Variants in HMGA2 observed in about 807,000 individuals in gnomAD.
HMGA2 encodes the protein high mobility group AT-hook 2, also known as high mobility group protein HMGI-C.
Under a neutral mutation model 19.1 loss-of-function variants are expected in HMGA2, and 8 were observed. That is an observed-to-expected ratio of 0.42 (90% CI 0.25 to 0.76). The LOEUF (loss-of-function observed/expected upper bound fraction) is 0.76, where lower values mean the gene tolerates loss of function less well. Among genes scored for constraint, HMGA2 ranks in the 30% least tolerant of loss-of-function variants. The pLI, the probability that HMGA2 is intolerant of heterozygous loss-of-function variation, is 0.28. For missense variants in HMGA2, 109 were observed against 136.3 expected (o/e 0.80, Z 1.00); for synonymous variants, 60 against 48.8 (o/e 1.23, Z -0.96).
At chr12:65,863,894 A>AC (rs1467789477) in intron 3 of HMGA2, among the ~76,000 whole-genome samples, 17 of 152,242 alleles carry the variant, frequency 1.1e-4, no homozygotes, top group Non-Finnish European at 2.2e-4. Context: ...TAGTCCAGCA[A>AC]AAATGCTCTG....
intron 3 of HMGA2, among the ~76,000 whole-genome samples, chr12:65,883,605 A>G (rs1402043315): frequency 1.3e-5 from 2 of 152,186 alleles, no homozygotes; most frequent in Admixed American, 1.3e-4. Context: ...CCTTAATCCT[A>G]ACTTGAATTT....
intron 3 of HMGA2, among the ~76,000 whole-genome samples, chr12:65,944,931 G>A (rs184275868): frequency 1.2e-4 from 18 of 152,204 alleles, no homozygotes; most frequent in Non-Finnish European, 1.9e-4. Flanking sequence ...CTACTCACAG[G>A]TGCGATCATA....
chr12:65,930,366 T>A (rs1481291332), intron 3 of HMGA2, among the ~76,000 whole-genome samples: 4 of 152,120 alleles, frequency 2.6e-5, no homozygotes, highest in African/African-American at 9.7e-5. Context: ...GATTGAAAAA[T>A]GTGCCCAGGG....
At chr12:65,888,457 C>G (rs1004268019) in intron 3 of HMGA2, among the ~76,000 whole-genome samples, 3 of 149,744 alleles carry the variant, frequency 2.0e-5, no homozygotes, top group African/African-American at 4.9e-5. Context: ...TCAGTCCCCC[C>G]CAAAAAAAGA....
intron 4 of HMGA2, 79 bp downstream of exon 4, chr12:65,951,494 A>G (rs1196420244): frequency 1.1e-6 from 1 of 895,332 alleles, no homozygotes; most frequent in South Asian, 1.5e-5. Context: ...CCCAAACTAA[A>G]CCTTATTTCG....
chr12:65,838,190 A>G (rs1870815159), intron 2 of HMGA2, among the ~76,000 whole-genome samples: 1 of 152,138 alleles, frequency 6.6e-6, no homozygotes, highest in African/African-American at 2.4e-5. Flanking sequence ...ATGTGGGGAT[A>G]ATGTTTTTAA....
chr12:65,839,806 T>C (rs905814036), intron 3 of HMGA2, among the ~76,000 whole-genome samples: 2 of 152,194 alleles, frequency 1.3e-5, no homozygotes, highest in Non-Finnish European at 1.5e-5. Flanking sequence ...GTTAGGGAAC[T>C]TGCTACCTCT....
intron 3 of HMGA2, among the ~76,000 whole-genome samples, chr12:65,897,787 C>T (rs1203104944): frequency 6.6e-6 from 1 of 152,124 alleles, no homozygotes; most frequent in Non-Finnish European, 1.5e-5. Flanking sequence ...TGGTAAAACC[C>T]TGTCTCTACT....
rs57361254 is a variant in HMGA2, at chr12:65,935,649, AC to A, written c.250-15733del. Among the ~76,000 whole-genome samples, 581 of 152,340 alleles carry A rather than the reference AC, an allele frequency of 3.8e-3. 4 individuals are homozygous for A. The highest frequency in any genetic ancestry group is 0.013 in the African/African-American group (551 of 41,568). On this transcript the variant is annotated intron_variant, in intron 3 of 4. Coordinates refer to ENST00000403681, the MANE Select transcript of HMGA2 (RefSeq NM_003483.6). The stretch of plus-strand genomic sequence containing the variant: ...GTTTGTAAGCAACACATAACTTTGA[AC>A]ATGGAAAAATTAAGTTTGCTTTTAA...
Position 65,963,334 on chromosome 12 carries a change from C to A in HMGA2, c.*42C>A. ...ATTTCTACCTCAGCAGCAGTTGGAT[C>A]TTTTGAAGGGAGAAGACACTGCAGT... On this transcript the variant is annotated 3_prime_UTR_variant, in exon 5 of 5. Transcript: ENST00000403681. 1 of 1,563,280 alleles carries A rather than the reference C, an allele frequency of 6.4e-7. No individual in the cohort carries two copies. Among genetic ancestry groups the A allele is most frequent in the Non-Finnish European group, 8.7e-7 (1 of 1,143,846 alleles).
intron 3 of HMGA2, among the ~76,000 whole-genome samples, chr12:65,852,821 T>C (rs1424253241): frequency 1.3e-5 from 2 of 152,136 alleles, no homozygotes; most frequent in Non-Finnish European, 2.9e-5. Context: ...ACATGATCTA[T>C]GTGGTAATAA....
intron 2 of HMGA2, among the ~76,000 whole-genome samples, chr12:65,833,602 T>C (rs1012264992): frequency 6.6e-6 from 1 of 152,174 alleles, no homozygotes; most frequent in African/African-American, 2.4e-5. Context: ...CATGTGTTTA[T>C]AGGAAACTTG....
At chr12:65,907,201 C>T (rs569095772) in intron 3 of HMGA2, among the ~76,000 whole-genome samples, 5 of 152,080 alleles carry the variant, frequency 3.3e-5, no homozygotes, top group Admixed American at 3.3e-4. Flanking sequence ...TCGAGACCAG[C>T]CTGGCCAACA....
Position 65,963,856 on chromosome 12 carries a change from T to C in HMGA2, c.*564T>C, listed in dbSNP as rs1489877117. ...CTTTTTCGTATAATCTTGTAGACAC[T>C]TACTTGATGATTTTTAACTTTTTAT... is the stretch of plus-strand genomic sequence containing the variant. On this transcript the variant is annotated 3_prime_UTR_variant, in exon 5 of 5. Coordinates refer to ENST00000403681, the MANE Select transcript of HMGA2 (RefSeq NM_003483.6). The C allele has an allele frequency of 4.6e-6, 1 of 217,684 alleles. No individual in the cohort carries two copies. The highest frequency in any genetic ancestry group is 2.2e-5 in the African/African-American group (1 of 44,456). 13.5% of individuals were successfully genotyped at this position (217,684 alleles called of 1,614,324 possible).
chr12:65,834,568 C>T lies in HMGA2; in HGVS notation c.199-3951C>T, dbSNP rs768938546. Among the ~76,000 whole-genome samples the T allele has an allele frequency of 7.3e-4, 106 of 145,716 alleles. 1 individual carries two copies. In the Middle Eastern group the frequency reaches 0.028, roughly 38 times the overall value. On this transcript the variant is annotated intron_variant, in intron 2 of 4. Coordinates refer to ENST00000403681, the MANE Select transcript of HMGA2 (RefSeq NM_003483.6). ...TTTCCTTCCTTCCTTCTTTCCTTCC[C>T]TCCCTCACTCCCTCCCTTCCTCCCT...
intron 4 of HMGA2, chr12:65,953,843 T>A (rs758838331): frequency 6.6e-6 from 1 of 152,218 alleles, no homozygotes; most frequent in Non-Finnish European, 1.5e-5. Context: ...TACACTACAT[T>A]CAAAAGAATC....
At chr12:65,869,253 T>C (rs191111981) in intron 3 of HMGA2, among the ~76,000 whole-genome samples, 16 of 152,158 alleles carry the variant, frequency 1.1e-4, no homozygotes, top group Admixed American at 8.5e-4. Flanking sequence ...CAAAGCAAGA[T>C]TAGAGAAGGA....
At chr12:65,835,203 C>T (rs971206452) in intron 2 of HMGA2, among the ~76,000 whole-genome samples, 1 of 152,140 alleles carries the variant, frequency 6.6e-6, no homozygotes, top group African/African-American at 2.4e-5. Context: ...CAAAACAAGC[C>T]TCCTGAATGT....
intron 3 of HMGA2, among the ~76,000 whole-genome samples, chr12:65,929,919 A>G (rs1010760133): frequency 1.3e-5 from 2 of 152,200 alleles, no homozygotes; most frequent in African/African-American, 4.8e-5. Flanking sequence ...AGTCACACAT[A>G]TTAAGTATGG....
Sources: allele counts gnomAD v4.1 joint callset (sites outside exome capture counted in the v4.1 genomes callset), GRCh38; gene constraint gnomAD v4.1.1; transcripts MANE v1.5; gene names NCBI Gene and HGNC (gene_info 2026-07-23, HGNC 2026-07-21).